The following OBI1 variants were observed in gnomAD, a reference collection of about 807,000 sequenced individuals.
OBI1 encodes ORC ubiquitin ligase 1.
OBI1 carries 59 observed loss-of-function variants against 62.4 expected under a neutral mutation model. That is an observed-to-expected ratio of 0.95 (90% CI 0.77 to 1.17). The LOEUF (loss-of-function observed/expected upper bound fraction) is 1.17, where lower values mean the gene tolerates loss of function less well. OBI1 is among the 50% of genes most tolerant of loss of function. The pLI is 0.00. For synonymous variants in OBI1, 302 were observed against 292.8 expected (o/e 1.03, Z -0.32); for missense variants, 875 against 830.9 (o/e 1.05, Z -0.65).
chr13:78,656,551 C>T (rs1200948063), intron 1 of OBI1, among the ~76,000 whole-genome samples: 2 of 151,136 alleles, frequency 1.3e-5, no homozygotes, highest in African/African-American at 4.9e-5. Context: ...CATTGCTCTC[C>T]AGCCCGGGCA....
chr13:78,640,898 C>T (rs1876194602), intron 3 of OBI1, among the ~76,000 whole-genome samples: 1 of 152,214 alleles, frequency 6.6e-6, no homozygotes, highest in Non-Finnish European at 1.5e-5. Context: ...TTCTACTTTT[C>T]ATTCCAGAAT....
chr13:78,637,134 T>C (rs1413476686), intron 4 of OBI1, among the ~76,000 whole-genome samples: 1 of 152,198 alleles, frequency 6.6e-6, no homozygotes, highest in African/African-American at 2.4e-5. Flanking sequence ...GGTTCAAAAC[T>C]CACCCATTCC....
chr13:78,649,852 T>C (rs953501981), intron 1 of OBI1, among the ~76,000 whole-genome samples: 2 of 152,148 alleles, frequency 1.3e-5, no homozygotes, highest in African/African-American at 2.4e-5. Flanking sequence ...GATCTGTGGA[T>C]GGAAAAATGA....
At chr13:78,620,123 T>C (rs977706892) in intron 5 of OBI1, among the ~76,000 whole-genome samples, 1 of 152,174 alleles carries the variant, frequency 6.6e-6, no homozygotes, top group African/African-American at 2.4e-5. Context: ...ACTTTTGACA[T>C]GTGTCAGGAA....
chr13:78,651,399 T>G (rs961604223), intron 1 of OBI1, among the ~76,000 whole-genome samples: 5 of 152,192 alleles, frequency 3.3e-5, no homozygotes, highest in African/African-American at 1.2e-4. Flanking sequence ...AGGTATAGCC[T>G]TCAAAGAACA....
chr13:78,632,860 T>C (rs1186936660), intron 5 of OBI1, among the ~76,000 whole-genome samples: 1 of 152,182 alleles, frequency 6.6e-6, no homozygotes, highest in African/African-American at 2.4e-5. Context: ...TCAAGTGAAC[T>C]TCCCCTGAAG....
chr13:78,642,281 T>C (rs756671427), intron 2 of OBI1, 68 bp from the exon 3 acceptor site: 94 of 1,029,082 alleles, frequency 9.1e-5, no homozygotes, highest in Non-Finnish European at 1.4e-4. Flanking sequence ...TGATCCTTTT[T>C]CATATTGTTT....
intron 5 of OBI1, among the ~76,000 whole-genome samples, chr13:78,622,634 A>C (rs2137431667): frequency 6.6e-6 from 1 of 152,284 alleles, no homozygotes; most frequent in East Asian, 1.9e-4. Context: ...AGAGCTTTCC[A>C]TTTGCCCTTT....
chr13:78,642,886 CA>C (rs34161628), intron 2 of OBI1, among the ~76,000 whole-genome samples: 55,083 of 143,786 alleles, frequency 0.38, 10,211 homozygotes, highest in African/African-American at 0.41. Flanking sequence ...GACTCCGTCT[CA>C]AAAAAAAAAA....
chr13:78,616,478 A>C lies in OBI1; in HGVS notation c.1283T>G (p.Phe428Cys). 6.2e-7 allele frequency: 1 copy of C among 1,614,096 alleles called. No homozygotes were observed. ...ATTTGAAGAATCACAAAAATCATCA[A>C]ACACCAATTTTCTGAGATGGTTTGA... ...KHSNHLRKLV[F>C]DDFCDSSNVS... Residue 428 changes from phenylalanine to cysteine, a missense_variant, in exon 6 of 6, where the codon TTT (phenylalanine) becomes TGT (cysteine). Transcript: ENST00000282003.
Position 78,644,864 on chromosome 13 carries a change from A to G in OBI1, c.206T>C (p.Ile69Thr). The G allele has an allele frequency of 1.2e-6, 2 of 1,613,890 alleles. No individual in the cohort carries two copies. The highest frequency in any genetic ancestry group is 1.7e-6 in the Non-Finnish European group (2 of 1,179,756). ...ITPENPCKEI[I>T]GGTSESEPML... ...GCATATATAAAACAGGCCCTTACCT[A>G]TAATTTCTTTGCAAGGATTTTCAGG... Residue 69 changes from isoleucine to threonine, a missense_variant and splice_region_variant, in exon 2 of 6, where the codon ATA becomes ACA. Transcript: ENST00000282003.
chr13:78,643,146 G>T (rs1409325901), intron 2 of OBI1, among the ~76,000 whole-genome samples: 1 of 152,124 alleles, frequency 6.6e-6, no homozygotes, highest in Non-Finnish European at 1.5e-5. Context: ...CTATCCAAAT[G>T]CAAAAATGGA....
At chr13:78,632,795 T>A (rs1326598619) in intron 5 of OBI1, among the ~76,000 whole-genome samples, 1 of 152,196 alleles carries the variant, frequency 6.6e-6, no homozygotes, top group Non-Finnish European at 1.5e-5. Context: ...ATGCATTTAA[T>A]ACCTCAATGC....
intron 5 of OBI1, among the ~76,000 whole-genome samples, chr13:78,619,484 T>C (rs1391845606): frequency 1.3e-5 from 2 of 151,752 alleles, no homozygotes; most frequent in Non-Finnish European, 2.9e-5. Flanking sequence ...CAAGCAGAAG[T>C]CACTGATGGA....
intron 3 of OBI1, 72 bp downstream of exon 3, chr13:78,642,049 TG>T: frequency 1.4e-6 from 1 of 728,090 alleles, no homozygotes; most frequent in Non-Finnish European, 2.4e-6. Context: ...CTAAGAAGTC[TG>T]GGGACTGAGG....
intron 2 of OBI1, among the ~76,000 whole-genome samples, chr13:78,643,116 G>C (rs1282396239): frequency 2.0e-5 from 3 of 152,124 alleles, no homozygotes; most frequent in Non-Finnish European, 4.4e-5. Context: ...TATTTTACAG[G>C]TGTTCTTTTT....
chr13:78,652,607 T>C (rs1469713229), intron 1 of OBI1, among the ~76,000 whole-genome samples: 1 of 152,202 alleles, frequency 6.6e-6, no homozygotes, highest in Non-Finnish European at 1.5e-5. Context: ...TTTTTGGCAC[T>C]AGGGACTGGT....
At chr13:78,617,182 G>C (rs1056882563) in intron 5 of OBI1, 60 bp from the exon 6 acceptor site, 1 of 1,360,684 alleles carries the variant, frequency 7.3e-7, no homozygotes, top group Non-Finnish European at 1.0e-6. Context: ...TTCAAGGTTT[G>C]AGAGTGCAAA....
At chr13:78,648,913 C>T (rs1384076063) in intron 1 of OBI1, among the ~76,000 whole-genome samples, 3 of 125,778 alleles carry the variant, frequency 2.4e-5, no homozygotes, top group Non-Finnish European at 5.1e-5. Context: ...AATGCCATCT[C>T]AAAAAAAAAA....
Sources: allele counts gnomAD v4.1 joint callset (sites outside exome capture counted in the v4.1 genomes callset), GRCh38; gene constraint gnomAD v4.1.1; transcripts MANE v1.5; gene names NCBI Gene and HGNC (gene_info 2026-07-23, HGNC 2026-07-21).